The following ERC2 variants were observed in gnomAD, a reference collection of about 807,000 sequenced individuals.
ERC2 encodes ERC protein 2.
Under a neutral mutation model 114.8 loss-of-function variants are expected in ERC2, and 42 were observed. The ratio of observed to expected loss-of-function variants is 0.37; its 90% confidence interval spans 0.29 to 0.47. ERC2 has a LOEUF of 0.47. Ranked by LOEUF, ERC2 falls within the 20% of genes least tolerant of loss-of-function variation. The pLI, the probability that ERC2 is intolerant of heterozygous loss-of-function variation, is 0.99. For synonymous variants in ERC2, 454 were observed against 425.5 expected (o/e 1.07, Z -0.82); for missense variants, 939 against 1,150.7 (o/e 0.82, Z 2.66).
intron 17 of ERC2, among the ~76,000 whole-genome samples, chr3:55,674,297 C>G (rs151246029): frequency 6.6e-6 from 1 of 152,258 alleles, no homozygotes; most frequent in Admixed American, 6.5e-5. Flanking sequence ...CTGGGTACTG[C>G]CCAACCACTC....
chr3:55,910,656 G>A (rs2064747356), intron 13 of ERC2, among the ~76,000 whole-genome samples: 1 of 152,118 alleles, frequency 6.6e-6, no homozygotes, highest in Non-Finnish European at 1.5e-5. Context: ...TAAATCTTGT[G>A]AGTATGAACA....
rs560771039 is a variant in ERC2, at chr3:55,687,296, A to G, written c.2848-3437T>C. On this transcript the variant is annotated intron_variant, in intron 16 of 17. Transcript: ENST00000288221. ...CTCTATAATCTGACATGATAAATGA[A>G]TGGCCCAGTGTAAACCTTTAATTGG... is the stretch of plus-strand genomic sequence containing the variant. 1.4e-4 allele frequency among the ~76,000 whole-genome samples: 22 copies of G among 152,310 alleles called. 1 individual carries two copies. The South Asian group carries it at 4.6e-3, about 32-fold the overall frequency.
chr3:56,258,503 A>C (rs1456031276), intron 3 of ERC2, among the ~76,000 whole-genome samples: 1 of 152,076 alleles, frequency 6.6e-6, no homozygotes, highest in African/African-American at 2.4e-5. Context: ...AAATACAAAA[A>C]ATTAGCCGGG....
chr3:56,148,970 A>T lies in ERC2; in HGVS notation c.1305+7T>A. On this transcript the variant is annotated splice_region_variant and intron_variant, in intron 5 of 17. Coordinates refer to ENST00000288221, the MANE Select transcript of ERC2 (RefSeq NM_015576.3). ...AGAACATAAAAGTTTATAACCCTGG[A>T]CCGTACCTTGGTCTTCATAAACTTG... is the stretch of plus-strand genomic sequence containing the variant. The T allele has an allele frequency of 6.2e-7, 1 of 1,612,916 alleles. No individual in the cohort carries two copies. The highest frequency in any genetic ancestry group is 8.5e-7 in the Non-Finnish European group (1 of 1,179,296).
chr3:56,295,899 A>G, intron 3 of ERC2, 120 bp downstream of exon 3: 8 of 1,122,388 alleles, frequency 7.1e-6, no homozygotes, highest in Non-Finnish European at 9.8e-6. Context: ...AAGGTCATAA[A>G]GCAGATGACA....
chr3:56,321,322 T>A (rs1249676936), intron 2 of ERC2, among the ~76,000 whole-genome samples: 11 of 152,022 alleles, frequency 7.2e-5, no homozygotes, highest in Admixed American at 7.2e-4. Context: ...AACTTCCATA[T>A]CTGTAGGGAA....
chr3:56,021,100 C>G (rs1414564964), intron 7 of ERC2, among the ~76,000 whole-genome samples: 1 of 152,004 alleles, frequency 6.6e-6, no homozygotes, highest in Non-Finnish European at 1.5e-5. Context: ...GCTAGGGATG[C>G]ACCACTTTAA....
Position 56,325,673 on chromosome 3 carries a change from T to C in ERC2, c.658-29238A>G, listed in dbSNP as rs190182768. ...ATGGATCTTGTCATTATGAACTATATGTAAAAATAACTGACATTTGTAAAG... is the reference window on the plus strand; with the variant it reads ...ATGGATCTTGTCATTATGAACTATACGTAAAAATAACTGACATTTGTAAAG... On this transcript the variant is annotated intron_variant, in intron 2 of 17. Coordinates refer to ENST00000288221, the MANE Select transcript of ERC2 (RefSeq NM_015576.3). Among the ~76,000 whole-genome samples the C allele has an allele frequency of 1.5e-3, 229 of 152,292 alleles. 4 individuals carry two copies. Among genetic ancestry groups the C allele is most frequent in the Non-Finnish European group, 2.8e-4 (19 of 68,020 alleles).
intron 3 of ERC2, among the ~76,000 whole-genome samples, chr3:56,283,641 T>C (rs2054496344): frequency 6.6e-6 from 1 of 152,166 alleles, no homozygotes; most frequent in South Asian, 2.1e-4. Context: ...TTAAAGAAGA[T>C]CATTTGTCTA....
intron 6 of ERC2, among the ~76,000 whole-genome samples, chr3:56,121,254 C>CTCTT (rs374811579): frequency 6.6e-6 from 1 of 152,152 alleles, no homozygotes; most frequent in Non-Finnish European, 1.5e-5. Flanking sequence ...ATACAAGTCA[C>CTCTT]TCTTTCTCGG....
At chr3:55,893,914 T>C (rs568678313) in intron 13 of ERC2, among the ~76,000 whole-genome samples, 1 of 152,236 alleles carries the variant, frequency 6.6e-6, no homozygotes, top group East Asian at 1.9e-4. Context: ...TACCCCTAAG[T>C]GAGGACATGG....
chr3:55,978,734 C>G (rs1257504762), intron 12 of ERC2, among the ~76,000 whole-genome samples: 1 of 152,086 alleles, frequency 6.6e-6, no homozygotes, highest in Non-Finnish European at 1.5e-5. Flanking sequence ...GTACTGTGTC[C>G]CAAGTGCTAT....
intron 3 of ERC2, among the ~76,000 whole-genome samples, chr3:56,199,764 C>T (rs1473791713): frequency 1.3e-5 from 2 of 152,156 alleles, no homozygotes; most frequent in African/African-American, 4.8e-5. Flanking sequence ...CCATCTTGGC[C>T]TCCCAAAGCA....
chr3:56,362,387 G>T (rs1033024790), intron 2 of ERC2, among the ~76,000 whole-genome samples: 1 of 152,128 alleles, frequency 6.6e-6, no homozygotes, highest in Non-Finnish European at 1.5e-5. Flanking sequence ...TGGAACAAGG[G>T]TACATCACAC....
chr3:56,215,223 T>C (rs1481703449), intron 3 of ERC2, among the ~76,000 whole-genome samples: 2 of 152,126 alleles, frequency 1.3e-5, no homozygotes, highest in Non-Finnish European at 2.9e-5. Context: ...TCAAGACCCA[T>C]CAGCGTGCTG....
At chr3:56,127,454 G>T (rs144040318) in intron 6 of ERC2, among the ~76,000 whole-genome samples, 1 of 152,158 alleles carries the variant, frequency 6.6e-6, no homozygotes, top group African/African-American at 2.4e-5. Context: ...CAGGCTGGCC[G>T]CAGTAGCTCA....
At chr3:55,986,054 G>C in intron 11 of ERC2, 66 bp from the exon 12 acceptor site, 1 of 1,419,038 alleles carries the variant, frequency 7.0e-7, no homozygotes, top group Non-Finnish European at 9.6e-7. Flanking sequence ...GATAGCAAAA[G>C]AGAATAAAAG....
intron 17 of ERC2, among the ~76,000 whole-genome samples, chr3:55,630,906 G>A (rs180979276): frequency 6.6e-6 from 1 of 151,754 alleles, no homozygotes; most frequent in South Asian, 2.1e-4. Context: ...GGGAAGTCAC[G>A]TAACATAAAA....
chr3:56,025,265 C>A (rs2073968426), intron 7 of ERC2, among the ~76,000 whole-genome samples: 1 of 152,152 alleles, frequency 6.6e-6, no homozygotes, highest in African/African-American at 2.4e-5. Context: ...TTTAAGTCAA[C>A]CCATTGTATT....
Sources: gnomAD v4.1 joint callset for allele counts (sites outside exome capture counted in the v4.1 genomes callset) on GRCh38, gnomAD v4.1.1 for gene constraint, MANE v1.5 for transcripts, NCBI Gene and HGNC (gene_info 2026-07-23, HGNC 2026-07-21) for gene names.